Variants in CFAP77 observed in about 807,000 individuals in gnomAD.
CFAP77 encodes the protein cilia- and flagella-associated protein 77.
CFAP77 carries 25 observed loss-of-function variants against 31.1 expected under a neutral mutation model. That is an observed-to-expected ratio of 0.80 (90% confidence interval 0.59 to 1.12). CFAP77 has a LOEUF of 1.12. Ranked by LOEUF, CFAP77 falls within the 50% of genes most tolerant of loss-of-function variation. The probability of loss-of-function intolerance (pLI) is 0.00; values close to 1 mark genes in which losing one functional copy is unlikely to be tolerated. For synonymous variants in CFAP77, 151 were observed against 159.9 expected, an observed-to-expected ratio of 0.94 and a Z score of 0.42; for missense variants, 377 against 397.3, an observed-to-expected ratio of 0.95 and a Z score of 0.44.
At chr9:132,533,462 T>TTC (rs879581667) in intron 3 of CFAP77, among the ~76,000 whole-genome samples, 2,708 of 152,304 alleles carry the variant, frequency 0.018, 85 homozygotes, top group African/African-American at 0.062. Flanking sequence ...CTCCCAGGGC[T>TTC]CTAGCCGAGG....
intron 3 of CFAP77, among the ~76,000 whole-genome samples, chr9:132,522,028 G>A (rs1454404335): frequency 6.6e-6 from 1 of 152,040 alleles, no homozygotes; most frequent in Non-Finnish European, 1.5e-5. Context: ...TCCCAAAGTG[G>A]TGGGATTACA....
chr9:132,490,173 T>C lies in CFAP77; in HGVS notation c.196-8522T>C, dbSNP rs1039664987. 2.6e-5 allele frequency among the ~76,000 whole-genome samples: 4 copies of C among 152,110 alleles called. No homozygotes were observed. Among genetic ancestry groups the C allele is most frequent in the Non-Finnish European group, 4.4e-5 (3 of 68,016 alleles). ...GAACTCCCTCCATCAAGGCCTTTTA[T>C]AAGGGCACCTATTCCCCCATGAGTG... On this transcript the variant is annotated intron_variant, in intron 1 of 5. Coordinates refer to ENST00000393216, the MANE Select transcript of CFAP77 (RefSeq NM_001282957.2). The surrounding 1 kb of genome is among the most constrained non-coding windows in gnomAD (Gnocchi z 4.6).
Position 132,564,813 on chromosome 9 carries a change from G to C in CFAP77, c.733-7575G>C, listed in dbSNP as rs886179040. On this transcript the variant is annotated intron_variant, in intron 5 of 5. Transcript: ENST00000393216. This position sits in a 1 kb window ranked among gnomAD's most constrained non-coding sequence, Gnocchi z 4.6. ...GAAAAGCACAGATGCTTTCAAATGA[G>C]TTAGAAAATGGGGCCCACCGCTCTA... Among the ~76,000 whole-genome samples the C allele has an allele frequency of 2.6e-5, 4 of 152,150 alleles. No individual in the cohort carries two copies. The highest frequency in any genetic ancestry group is 5.9e-5 in the Non-Finnish European group (4 of 68,034).
At chr9:132,546,481 C>T (rs866268214) in intron 5 of CFAP77, among the ~76,000 whole-genome samples, 61 of 152,120 alleles carry the variant, frequency 4.0e-4, no homozygotes, top group African/African-American at 1.3e-3. Flanking sequence ...GAGCAGATGT[C>T]GACGCTGAAC....
chr9:132,520,655 A>C (rs1286164999), intron 3 of CFAP77, among the ~76,000 whole-genome samples: 1 of 152,174 alleles, frequency 6.6e-6, no homozygotes, highest in Non-Finnish European at 1.5e-5. Context: ...AAGATACAGA[A>C]CATTTCCATA....
chr9:132,488,004 A>G (rs531231776), intron 1 of CFAP77, among the ~76,000 whole-genome samples: 14 of 152,342 alleles, frequency 9.2e-5, no homozygotes, highest in Non-Finnish European at 4.4e-5. Context: ...CTATGTATGC[A>G]TGGGTCTAGC....
chr9:132,571,500 C>T (rs1352302662), intron 5 of CFAP77, among the ~76,000 whole-genome samples: 1 of 152,156 alleles, frequency 6.6e-6, no homozygotes, highest in Non-Finnish European at 1.5e-5. Flanking sequence ...AAAAGCTCCA[C>T]GAGGGTAGAG....
At chr9:132,479,876 C>A (rs1261425967) in intron 1 of CFAP77, among the ~76,000 whole-genome samples, 6 of 152,116 alleles carry the variant, frequency 3.9e-5, no homozygotes, top group Non-Finnish European at 8.8e-5. Context: ...GAGACAGGCT[C>A]AAGGGTGAGG....
chr9:132,496,153 G>A (rs1851738923), intron 1 of CFAP77, among the ~76,000 whole-genome samples: 1 of 152,120 alleles, frequency 6.6e-6, no homozygotes, highest in African/African-American at 2.4e-5. Flanking sequence ...CATACCTTCT[G>A]CTCACTTTTG....
rs527832853 is a variant in CFAP77 at position 132,477,901 on chromosome 9, C to T, written c.196-20794C>T. On this transcript the variant is annotated intron_variant, in intron 1 of 5. Transcript: ENST00000393216. ...ACAACCAATCTGGGGGCAGCGGGGC[C>T]CTGCCACAGCTGCCTGCTCTCTCAG... is the stretch of plus-strand genomic sequence containing the variant. 1.1e-4 allele frequency among the ~76,000 whole-genome samples: 17 copies of T among 152,204 alleles called. 1 individual carries two copies. The South Asian group carries it at 3.1e-3, about 28-fold the overall frequency.
chr9:132,541,782 A>T (rs1852646925), intron 4 of CFAP77, among the ~76,000 whole-genome samples: 1 of 152,198 alleles, frequency 6.6e-6, no homozygotes, highest in Non-Finnish European at 1.5e-5. Flanking sequence ...CAGTAAAATT[A>T]ATACAATAAA....
chr9:132,412,597 TTTTG>T (rs1394263489), intron 1 of CFAP77, among the ~76,000 whole-genome samples: 11 of 152,074 alleles, frequency 7.2e-5, no homozygotes, highest in Non-Finnish European at 1.0e-4. Context: ...TTTTGGGTTT[TTTTG>T]TTTGTTTGTT....
At chr9:132,503,791 G>A (rs941427083) in intron 3 of CFAP77, among the ~76,000 whole-genome samples, 2 of 152,164 alleles carry the variant, frequency 1.3e-5, no homozygotes, top group Non-Finnish European at 2.9e-5. Flanking sequence ...GCTCACGCCT[G>A]TAATCCCAGC....
intron 1 of CFAP77, among the ~76,000 whole-genome samples, chr9:132,465,990 C>T (rs932587420): frequency 2.0e-5 from 3 of 152,200 alleles, no homozygotes; most frequent in African/African-American, 7.2e-5. Context: ...GGATAGCTGA[C>T]ATTAATACCA....
At chr9:132,561,457 C>T (rs913415633) in intron 5 of CFAP77, among the ~76,000 whole-genome samples, 10 of 151,780 alleles carry the variant, frequency 6.6e-5, no homozygotes, top group Non-Finnish European at 8.8e-5. Flanking sequence ...GTGGCCAGTG[C>T]GTGGGGAGGG....
intron 1 of CFAP77, among the ~76,000 whole-genome samples, chr9:132,492,368 A>G (rs761505704): frequency 1.3e-5 from 2 of 151,854 alleles, no homozygotes; most frequent in Non-Finnish European, 2.9e-5. Flanking sequence ...TCCTGTGTAT[A>G]AGGCTCTGTG....
intron 5 of CFAP77, among the ~76,000 whole-genome samples, chr9:132,571,555 G>C (rs956946444): frequency 6.6e-6 from 1 of 152,210 alleles, no homozygotes; most frequent in Non-Finnish European, 1.5e-5. Context: ...ATCTGACACA[G>C]AGTTGTGTTC....
intron 5 of CFAP77, among the ~76,000 whole-genome samples, chr9:132,569,122 G>A (rs1006329847): frequency 6.6e-6 from 1 of 152,192 alleles, no homozygotes; most frequent in African/African-American, 2.4e-5. Flanking sequence ...ACCTCAACAA[G>A]GCTGTTACAA....
intron 1 of CFAP77, among the ~76,000 whole-genome samples, chr9:132,446,255 G>A (rs779598328): frequency 3.3e-5 from 5 of 152,008 alleles, no homozygotes; most frequent in East Asian, 1.9e-4. Flanking sequence ...CTGCTCGGTC[G>A]TGCCAGAGAG....
Sources: allele counts gnomAD v4.1 joint callset (sites outside exome capture counted in the v4.1 genomes callset), GRCh38; gene constraint gnomAD v4.1.1; non-coding constraint Gnocchi (gnomAD v3.1); transcripts MANE v1.5; gene names NCBI Gene and HGNC (gene_info 2026-07-23, HGNC 2026-07-21).